Variants in SFMBT2 observed in about 807,000 individuals in gnomAD.
SFMBT2 encodes the protein Scm like with four mbt domains 2, also known as scm-like with four MBT domains protein 2.
In SFMBT2, 38 loss-of-function variants were observed where a neutral mutation model predicts 110.1. The observed-to-expected ratio is 0.35, with a 90% CI of 0.27 to 0.45. The LOEUF (loss-of-function observed/expected upper bound fraction) is 0.45. Ranked by LOEUF, SFMBT2 falls within the 20% of genes least tolerant of loss-of-function variation. The pLI is 1.00. For missense variants in SFMBT2, 1,011 were observed against 1,094.9 expected (o/e 0.92, Z 1.08); for synonymous variants, 425 against 425.4 (o/e 1.00, Z 0.01).
chr10:7,189,023 G>T, intron 15 of SFMBT2: 1 of 459,894 alleles, frequency 2.2e-6, no homozygotes, highest in African/African-American at 2.1e-5. Flanking sequence ...TTGCAGAAAA[G>T]CTGAACCATT....
chr10:7,343,824 G>A (rs565520124), intron 4 of SFMBT2, among the ~76,000 whole-genome samples: 1 of 152,254 alleles, frequency 6.6e-6, no homozygotes, highest in Admixed American at 6.5e-5. Flanking sequence ...GGGGACTTTG[G>A]GTTTGAGGGG....
At chr10:7,381,614 A>G (rs1845424134) in intron 2 of SFMBT2, among the ~76,000 whole-genome samples, 185 bp downstream of exon 2, 1 of 152,186 alleles carries the variant, frequency 6.6e-6, no homozygotes, top group African/African-American at 2.4e-5. Context: ...TCTGTCTAGT[A>G]TTCAAAATAA....
At position 7,285,978 on chromosome 10, in the gene SFMBT2, A is replaced by C. The variant is rs548280480; in HGVS notation, c.437-24T>G. 5.5e-4 allele frequency: 471 copies of C among 857,834 alleles called. 8 individuals carry two copies. In the South Asian group the frequency reaches 6.0e-3, roughly 11 times the overall value. The allele number at this position is 857,834 out of a possible 1,614,324, so 53.1% of individuals were successfully genotyped here. A position where few individuals can be genotyped will look rare whatever the true frequency, so the allele number is the denominator to read the frequency against. On this transcript the variant is annotated intron_variant, in intron 4 of 20. Coordinates refer to ENST00000397167, the MANE Select transcript of SFMBT2 (RefSeq NM_001387889.1). ...TGCTGGCAAGACAAAGGAGAAAGAA[A>C]AACAAAACAAAACAAAAAAAACACT...
intron 1 of SFMBT2, among the ~76,000 whole-genome samples, chr10:7,384,513 T>C (rs1424337281): frequency 6.7e-6 from 1 of 149,698 alleles, no homozygotes; most frequent in Non-Finnish European, 1.5e-5. Context: ...ATAATGAAAA[T>C]AACGGTTTTT....
Position 7,280,107 on chromosome 10 carries a change from T to C in SFMBT2, c.773-3118A>G, listed in dbSNP as rs958529022. Among the ~76,000 whole-genome samples, 9 of 152,152 alleles carry C rather than the reference T, an allele frequency of 5.9e-5. No homozygotes were observed. In the East Asian group the frequency reaches 1.7e-3, roughly 29 times the overall value. On this transcript the variant is annotated intron_variant, in intron 6 of 20. Coordinates refer to ENST00000397167, the MANE Select transcript of SFMBT2 (RefSeq NM_001387889.1). ...CAGAGTTCTCTCTTGATCTACTATGTGAGGACACAGTCAGAAGGCGGCTGT... is the reference window on the plus strand; with the variant it reads ...CAGAGTTCTCTCTTGATCTACTATGCGAGGACACAGTCAGAAGGCGGCTGT...
Position 7,347,818 on chromosome 10 carries a change from G to A in SFMBT2, c.436+19831C>T, listed in dbSNP as rs186605255. On this transcript the variant is annotated intron_variant, in intron 4 of 20. Transcript: ENST00000397167. ...ATTTTTAATTGACACTTATTTGCTG[G>A]TTAGTTATTCATGTCAACATTCACC... 3.3e-5 allele frequency among the ~76,000 whole-genome samples: 5 copies of A among 152,298 alleles called. No individual in the cohort carries two copies. In the East Asian group the frequency reaches 9.6e-4, roughly 29 times the overall value.
intron 15 of SFMBT2, among the ~76,000 whole-genome samples, chr10:7,192,712 G>T (rs983483036): frequency 1.3e-5 from 2 of 152,174 alleles, no homozygotes; most frequent in Non-Finnish European, 2.9e-5. Flanking sequence ...GGTCCCACTG[G>T]AAAGATCCCA....
intron 4 of SFMBT2, among the ~76,000 whole-genome samples, chr10:7,296,443 T>C (rs1418426195): frequency 1.3e-5 from 2 of 152,078 alleles, no homozygotes. Context: ...AAAGATTTTA[T>C]TCTCCTAGGT....
chr10:7,342,692 CGGCCTGGAGT>C (rs1843965705), intron 4 of SFMBT2, among the ~76,000 whole-genome samples: 1 of 151,876 alleles, frequency 6.6e-6, no homozygotes, highest in African/African-American at 2.4e-5. Context: ...CCACCACGCC[CGGCCTGGAGT>C]GAGTCTTTCA....
At chr10:7,390,007 A>C (rs1202149343) in intron 1 of SFMBT2, among the ~76,000 whole-genome samples, 1 of 152,182 alleles carries the variant, frequency 6.6e-6, no homozygotes, top group Non-Finnish European at 1.5e-5. Flanking sequence ...CATGCATTAG[A>C]TATTACTCTT....
chr10:7,371,573 T>C (rs183760944), intron 2 of SFMBT2, among the ~76,000 whole-genome samples: 4 of 152,364 alleles, frequency 2.6e-5, no homozygotes, highest in African/African-American at 9.6e-5. Flanking sequence ...ATACACGGCA[T>C]AAATGTGATG....
intron 4 of SFMBT2, among the ~76,000 whole-genome samples, chr10:7,365,963 C>G (rs906896376): frequency 1.3e-5 from 2 of 152,034 alleles, no homozygotes; most frequent in African/African-American, 4.8e-5. Flanking sequence ...TTTTATGGCA[C>G]GTCAATTAGA....
chr10:7,392,271 T>C (rs887126025), intron 1 of SFMBT2, among the ~76,000 whole-genome samples: 1 of 152,114 alleles, frequency 6.6e-6, no homozygotes, highest in Admixed American at 6.5e-5. Flanking sequence ...TCCCAACACT[T>C]TGGGAGGCCG....
At chr10:7,356,233 T>C (rs1844508227) in intron 4 of SFMBT2, among the ~76,000 whole-genome samples, 1 of 152,204 alleles carries the variant, frequency 6.6e-6, no homozygotes, top group Non-Finnish European at 1.5e-5. Flanking sequence ...CACCCCAGGC[T>C]GGAGGCCCCT....
At chr10:7,385,770 C>T (rs528306995) in intron 1 of SFMBT2, among the ~76,000 whole-genome samples, 319 of 152,086 alleles carry the variant, frequency 2.1e-3, no homozygotes, top group African/African-American at 6.9e-3. Flanking sequence ...GAGGCCGAGG[C>T]GGGCGGATCA....
At chr10:7,377,318 C>A (rs931632900) in intron 2 of SFMBT2, among the ~76,000 whole-genome samples, 1 of 152,060 alleles carries the variant, frequency 6.6e-6, no homozygotes, top group South Asian at 2.1e-4. Flanking sequence ...GGTCCCCAAC[C>A]TTTTTGGCAC....
chr10:7,396,606 C>T (rs951018082), intron 1 of SFMBT2, among the ~76,000 whole-genome samples: 1 of 152,060 alleles, frequency 6.6e-6, no homozygotes, highest in Non-Finnish European at 1.5e-5. Context: ...AAATTCTCTC[C>T]TTCCCTTATG....
chr10:7,220,050 A>G (rs529819882), intron 11 of SFMBT2, among the ~76,000 whole-genome samples: 35 of 152,350 alleles, frequency 2.3e-4, no homozygotes, highest in Non-Finnish European at 4.3e-4. Context: ...ACCACATTAA[A>G]ATACAAATGT....
intron 10 of SFMBT2, among the ~76,000 whole-genome samples, chr10:7,220,985 C>T (rs1009372647): frequency 2.0e-5 from 3 of 151,926 alleles, no homozygotes; most frequent in Admixed American, 2.0e-4. Flanking sequence ...TGCCATCATG[C>T]CTGGCTAATT....
Sources: gnomAD v4.1 joint callset for allele counts (sites outside exome capture counted in the v4.1 genomes callset) on GRCh38, gnomAD v4.1.1 for gene constraint, MANE v1.5 for transcripts, NCBI Gene and HGNC (gene_info 2026-07-23, HGNC 2026-07-21) for gene names.